The following CACNA1C variants were observed in gnomAD, a reference collection of about 807,000 sequenced individuals.
CACNA1C encodes the protein voltage-dependent L-type calcium channel subunit alpha-1C.
CACNA1C carries 30 observed loss-of-function variants against 229.0 expected under a neutral mutation model. That is an observed-to-expected ratio of 0.13 (90% CI 0.10 to 0.18). The LOEUF (loss-of-function observed/expected upper bound fraction) is 0.18, where lower values mean the gene tolerates loss of function less well. Among genes scored for constraint, CACNA1C ranks in the 10% least tolerant of loss-of-function variants. CACNA1C has a pLI of 1.00. For synonymous variants in CACNA1C, 1,114 were observed against 1,132.5 expected, an observed-to-expected ratio of 0.98 and a Z score of 0.33; for missense variants, 1,658 against 2,845.0, an observed-to-expected ratio of 0.58 and a Z score of 9.49.
intron 3 of CACNA1C, among the ~76,000 whole-genome samples, chr12:2,252,403 C>T (rs570791323): frequency 1.3e-5 from 2 of 152,252 alleles, no homozygotes; most frequent in African/African-American, 4.8e-5. Context: ...GATACACAAA[C>T]GTTTGGGTTG....
At chr12:2,470,313 T>C (rs143252874) in intron 5 of CACNA1C, among the ~76,000 whole-genome samples, 2,413 of 152,208 alleles carry the variant, frequency 0.016, 62 homozygotes, top group African/African-American at 0.054. Context: ...CCTCCAAACA[T>C]GAAATCACAG....
At chr12:2,454,847 T>C (rs905989572) in intron 4 of CACNA1C, among the ~76,000 whole-genome samples, 1 of 152,152 alleles carries the variant, frequency 6.6e-6, no homozygotes, top group African/African-American at 2.4e-5. Context: ...GTTCCCCAGT[T>C]CCCTTAGAAA....
chr12:2,451,980 C>T (rs1596650577), intron 4 of CACNA1C, among the ~76,000 whole-genome samples: 1 of 152,150 alleles, frequency 6.6e-6, no homozygotes, highest in Non-Finnish European at 1.5e-5. Context: ...TGCAGCTTAC[C>T]ACCTCTCTTC....
At chr12:2,591,629 C>T (rs73241731) in intron 18 of CACNA1C, among the ~76,000 whole-genome samples, 3,479 of 151,836 alleles carry the variant, frequency 0.023, 138 homozygotes, top group African/African-American at 0.08. Flanking sequence ...GGAGATGAAG[C>T]GCAGCTCAAA....
At chr12:2,682,993 GAC>G (rs1480874529) in intron 43 of CACNA1C, among the ~76,000 whole-genome samples, 2 of 76,786 alleles carry the variant, frequency 2.6e-5, no homozygotes, top group Non-Finnish European at 5.6e-5. Flanking sequence ...TAGGCTGTAA[GAC>G]ACAGTCATAA....
In CACNA1C at chr12:2,647,091, G is replaced by T. The variant is rs968383318; in HGVS notation, c.3913-1384G>T. On this transcript the variant is annotated intron_variant, in intron 30 of 46. Coordinates refer to ENST00000399655, the MANE Select transcript of CACNA1C (RefSeq NM_000719.7). The surrounding 1 kb of genome is among the most constrained non-coding windows in gnomAD (Gnocchi z 4.2). ...ATTTGCTGAGAAATCTGTTACCCAA[G>T]AAATATTTTCAGGCTGCAAGCAAAT... 6.6e-6 allele frequency among the ~76,000 whole-genome samples: 1 copy of T among 151,910 alleles called. No individual in the cohort carries two copies. Among genetic ancestry groups the T allele is most frequent in the African/African-American group, 2.4e-5 (1 of 41,326 alleles).
At chr12:2,047,210 A>G (rs750851214) in intron 1 of CACNA1C, among the ~76,000 whole-genome samples, 1 of 152,220 alleles carries the variant, frequency 6.6e-6, no homozygotes, top group Non-Finnish European at 1.5e-5. Flanking sequence ...GCACCTGTAC[A>G]ATGGTGGTAA....
chr12:2,102,804 A>G (rs1234552019), intron 1 of CACNA1C, among the ~76,000 whole-genome samples: 1 of 152,072 alleles, frequency 6.6e-6, no homozygotes, highest in Admixed American at 6.5e-5. Flanking sequence ...TCATTGTTCA[A>G]CTGGCCACGT....
At chr12:2,507,068 TAA>T (rs2099773473) in intron 8 of CACNA1C, among the ~76,000 whole-genome samples, 1 of 152,242 alleles carries the variant, frequency 6.6e-6, no homozygotes, top group Non-Finnish European at 1.5e-5. Flanking sequence ...TGGAGCTTAG[TAA>T]TATTCAAAAA....
chr12:2,620,272 C>T (rs2082598042), intron 29 of CACNA1C, among the ~76,000 whole-genome samples: 1 of 151,944 alleles, frequency 6.6e-6, no homozygotes, highest in Admixed American at 6.6e-5. Context: ...CTGCTCTAAG[C>T]ACCTTAATAG....
At position 2,585,871 on chromosome 12, in the gene CACNA1C, G is replaced by A. The variant is rs1311661692; in HGVS notation, c.2497G>A (p.Asp833Asn). Residue 833 changes from aspartate (D) to asparagine (N), a missense_variant, in exon 18 of 47, where the codon GAT (aspartate) becomes AAT (asparagine). Physicochemically the swap from Asp to Asn is conservative, Grantham distance 23. Around this residue, in one of 20 missense-constraint regions of CACNA1C, gnomAD observed 121 missense variants for 128.8 expected, o/e 0.94. Transcript: ENST00000399655. The surrounding 1 kb of genome is among the most constrained non-coding windows in gnomAD (Gnocchi z 4.1). ...TGACCTCCAGCCCAATGAAAATGAG[G>A]ATAAGAGCCCCTACCCCAACCCAGA... ...MDDLQPNENE[D>N]KSPYPNPETT... is the part of the protein sequence containing the mutation. The A allele has an allele frequency of 3.1e-6, 5 of 1,608,460 alleles. No individual in the cohort carries two copies. The highest frequency in any genetic ancestry group is 3.4e-6 in the Non-Finnish European group (4 of 1,177,312).
At chr12:2,618,148 A>G (rs2081545501) in intron 29 of CACNA1C, among the ~76,000 whole-genome samples, 1 of 152,188 alleles carries the variant, frequency 6.6e-6, no homozygotes, top group Admixed American at 6.5e-5. Flanking sequence ...AGCTGCTCCC[A>G]GGAAAGGGAC....
At chr12:2,371,320 C>G (rs1307745115) in intron 3 of CACNA1C, among the ~76,000 whole-genome samples, 1 of 152,166 alleles carries the variant, frequency 6.6e-6, no homozygotes, top group Non-Finnish European at 1.5e-5. Flanking sequence ...TAGAAGGCAT[C>G]AAAAGACCCA....
rs933531894 is a variant in CACNA1C at position 2,504,657 on chromosome 12, A to G, written c.1114-185A>G. 2.6e-6 allele frequency: 2 copies of G among 778,624 alleles called. No individual in the cohort carries two copies. Among genetic ancestry groups the G allele is most frequent in the Non-Finnish European group, 4.5e-6 (2 of 440,158 alleles). 48.2% of individuals were successfully genotyped at this position (778,624 alleles called of 1,614,324 possible). A position where few individuals can be genotyped will look rare whatever the true frequency, so the allele number is the denominator to read the frequency against. ...CCCTGACAGGCCCAGGAAAACCACA[A>G]CAAAGCCTCTGTTCAACCACAGATT... On this transcript the variant is annotated intron_variant, in intron 7 of 46. Transcript: ENST00000399655. This position sits in a 1 kb window ranked among gnomAD's most constrained non-coding sequence, Gnocchi z 6.8.
chr12:2,483,229 T>G (rs1352667573), intron 5 of CACNA1C, among the ~76,000 whole-genome samples: 1 of 152,234 alleles, frequency 6.6e-6, no homozygotes, highest in Non-Finnish European at 1.5e-5. Flanking sequence ...GGGTAAAAAC[T>G]GGGAGTCATT....
rs1358914903 is a variant in CACNA1C at position 2,608,883 on chromosome 12, G to T, written c.3558+171G>T. On this transcript the variant is annotated intron_variant, in intron 27 of 46. Transcript: ENST00000399655. This position sits in a 1 kb window ranked among gnomAD's most constrained non-coding sequence, Gnocchi z 4.2. Reference sequence around the variant, plus strand: ...GTCTTTTTGAGGGACCTGTGCAAAAGAAATGCAAATTCCTGCAAACCCCAG... The same window carrying T: ...GTCTTTTTGAGGGACCTGTGCAAAATAAATGCAAATTCCTGCAAACCCCAG... 6.6e-6 allele frequency among the ~76,000 whole-genome samples: 1 copy of T among 152,208 alleles called. No individual in the cohort carries two copies. The highest frequency in any genetic ancestry group is 1.5e-5 in the Non-Finnish European group (1 of 68,044).
At chr12:2,357,445 G>A (rs1238624016) in intron 3 of CACNA1C, among the ~76,000 whole-genome samples, 1 of 152,094 alleles carries the variant, frequency 6.6e-6, no homozygotes, top group Non-Finnish European at 1.5e-5. Context: ...CTTGTATCTG[G>A]AGAGGTTCTT....
At chr12:2,561,589 G>A (rs1247435023) in intron 11 of CACNA1C, among the ~76,000 whole-genome samples, 1 of 152,250 alleles carries the variant, frequency 6.6e-6, no homozygotes, top group Non-Finnish European at 1.5e-5. Context: ...CCCCACAGGA[G>A]GGGCAGGACA....
chr12:2,309,135 A>G (rs1433355550), intron 3 of CACNA1C, among the ~76,000 whole-genome samples: 1 of 152,238 alleles, frequency 6.6e-6, no homozygotes, highest in Non-Finnish European at 1.5e-5. Flanking sequence ...GATTTTCTAT[A>G]TATAATGGAA....
Sources: allele counts gnomAD v4.1 joint callset (sites outside exome capture counted in the v4.1 genomes callset), GRCh38; gene constraint gnomAD v4.1.1; regional missense constraint gnomAD v4.1.1; non-coding constraint Gnocchi (gnomAD v3.1); transcripts MANE v1.5; gene names NCBI Gene and HGNC (gene_info 2026-07-23, HGNC 2026-07-21).